The following AFAP1L2 variants were observed in gnomAD, a reference collection of about 807,000 sequenced individuals.
The protein encoded by AFAP1L2 is actin filament associated protein 1 like 2, also known as actin filament-associated protein 1-like 2.
In AFAP1L2, 46 loss-of-function variants were observed where a neutral mutation model predicts 99.3. The observed-to-expected ratio is 0.46, with a 90% CI of 0.37 to 0.59. The LOEUF (loss-of-function observed/expected upper bound fraction) is 0.59. AFAP1L2 is among the 20% of genes least tolerant of loss of function. The pLI is 0.00. For synonymous variants in AFAP1L2, 397 were observed against 419.1 expected (o/e 0.95, Z 0.64); for missense variants, 959 against 1,034.9 (o/e 0.93, Z 1.01).
chr10:114,289,714 T>TC, the AFAP1L2 span: 1 of 581,778 alleles, frequency 1.7e-6, no homozygotes, highest in Non-Finnish European at 3.1e-6. Flanking sequence ...CATAGATAAC[T>TC]CCCCCCAAAC....
intron 1 of AFAP1L2, among the ~76,000 whole-genome samples, chr10:114,370,572 G>A (rs895085129): frequency 1.3e-5 from 2 of 152,220 alleles, no homozygotes; most frequent in South Asian, 2.1e-4. Flanking sequence ...ATCCTGCCCC[G>A]TGTATTTTCT....
At position 114,333,253 on chromosome 10, in the gene AFAP1L2, T is replaced by C. The variant is rs905838108; in HGVS notation, c.188A>G (p.Asn63Ser). The C allele has an allele frequency of 7.4e-6, 12 of 1,613,864 alleles. No individual in the cohort carries two copies. The South Asian group carries it at 7.7e-5, about 10-fold the overall frequency. Residue 63 changes from asparagine to serine, a missense_variant, in exon 3 of 19, where the codon AAC (asparagine) becomes AGC (serine). Asn to Ser is a conservative substitution (Grantham distance 46). Around this residue, in one of 2 missense-constraint regions of AFAP1L2, gnomAD observed 383 missense variants for 472.8 expected, o/e 0.81. Transcript: ENST00000304129. ...TTGAGACTCTGCATTCTGTTGCTTG[T>C]TGATGGTCACTTTGTTCATATAAAT... ...EYIYMNKVTI[N>S]KQQNAESQGK...
chr10:114,364,689 G>C (rs758124295), intron 1 of AFAP1L2, among the ~76,000 whole-genome samples: 3 of 152,062 alleles, frequency 2.0e-5, no homozygotes, highest in Non-Finnish European at 4.4e-5. Context: ...TGTCTTTGAG[G>C]GGAATACAGT....
rs117147548 is a variant in AFAP1L2 at position 114,329,464 on chromosome 10, C to A, written c.315+2339G>T. 5.8e-3 allele frequency among the ~76,000 whole-genome samples: 877 copies of A among 152,322 alleles called. 3 individuals carry two copies. The highest frequency in any genetic ancestry group is 8.8e-3 in the Non-Finnish European group (599 of 68,024). On this transcript the variant is annotated intron_variant, in intron 4 of 18. Coordinates refer to ENST00000304129, the MANE Select transcript of AFAP1L2 (RefSeq NM_001001936.3). The stretch of plus-strand genomic sequence containing the variant: ...CCCTACCCACCAGGTGGGGACCCAC[C>A]AGCAGCTGCCCCTGGTGGGGCAGAA...
chr10:114,326,300 G>A (rs1318363789), intron 4 of AFAP1L2, among the ~76,000 whole-genome samples: 1 of 152,168 alleles, frequency 6.6e-6, no homozygotes, highest in African/African-American at 2.4e-5. Flanking sequence ...CATTCCTGGG[G>A]GCAACTGTTT....
intron 18 of AFAP1L2, 79 bp from the exon 19 acceptor site, chr10:114,296,147 C>G (rs570615195): frequency 6.3e-7 from 1 of 1,586,572 alleles, no homozygotes; most frequent in South Asian, 1.1e-5. Context: ...CCTTGATATA[C>G]ATAGAAAAAA....
At chr10:114,306,146 CGGGGCTGCAGGACGGGAT>C (rs2042332542) in intron 10 of AFAP1L2, among the ~76,000 whole-genome samples, 2 of 44,192 alleles carry the variant, frequency 4.5e-5, no homozygotes, top group Non-Finnish European at 8.5e-5. Flanking sequence ...CAGGAGGGGA[CGGGGCTGCAGGACGGGAT>C]GGGGCTGCAG....
At chr10:114,392,295 C>CT (rs1207741664) in intron 1 of AFAP1L2, among the ~76,000 whole-genome samples, 4 of 152,138 alleles carry the variant, frequency 2.6e-5, no homozygotes, top group Non-Finnish European at 5.9e-5. Context: ...GAGACTGAGT[C>CT]AGAGGATGGC....
At chr10:114,349,842 C>T (rs948167326) in intron 1 of AFAP1L2, among the ~76,000 whole-genome samples, 1 of 152,134 alleles carries the variant, frequency 6.6e-6, no homozygotes. Flanking sequence ...CTTGCTAGCA[C>T]TGTGAATGCT....
intron 6 of AFAP1L2, 23 bp downstream of exon 6, chr10:114,315,537 A>T: frequency 6.2e-7 from 1 of 1,612,124 alleles, no homozygotes; most frequent in Non-Finnish European, 8.5e-7. Flanking sequence ...GTCGGGGGAC[A>T]AGACGACGTA....
At chr10:114,321,615 A>G (rs994436972) in intron 5 of AFAP1L2, among the ~76,000 whole-genome samples, 2 of 152,096 alleles carry the variant, frequency 1.3e-5, no homozygotes, top group African/African-American at 4.8e-5. Flanking sequence ...CTAGCCTTTT[A>G]TATCTGCTGA....
At chr10:114,301,230 T>C in intron 13 of AFAP1L2, 124 bp downstream of exon 13, 1 of 736,700 alleles carries the variant, frequency 1.4e-6, no homozygotes, top group African/African-American at 1.7e-5. Context: ...ACTGGCCTGG[T>C]AGGTGACTCA....
intron 1 of AFAP1L2, among the ~76,000 whole-genome samples, chr10:114,342,432 C>T (rs2048951751): frequency 6.6e-6 from 1 of 152,216 alleles, no homozygotes; most frequent in Non-Finnish European, 1.5e-5. Context: ...TATTGGGCCC[C>T]TAATGATATC....
At chr10:114,388,844 C>T (rs931113633) in intron 1 of AFAP1L2, among the ~76,000 whole-genome samples, 1 of 152,038 alleles carries the variant, frequency 6.6e-6, no homozygotes, top group African/African-American at 2.4e-5. Flanking sequence ...TATCAATATC[C>T]CAAGGGACCC....
chr10:114,391,981 C>T (rs1259879117), intron 1 of AFAP1L2, among the ~76,000 whole-genome samples: 1 of 152,150 alleles, frequency 6.6e-6, no homozygotes, highest in Non-Finnish European at 1.5e-5. Context: ...GGTGAGCTGC[C>T]CTAGATGCCG....
intron 1 of AFAP1L2, among the ~76,000 whole-genome samples, chr10:114,400,295 G>A (rs1255291845): frequency 1.3e-5 from 2 of 152,178 alleles, no homozygotes; most frequent in East Asian, 1.9e-4. Flanking sequence ...CTTCAGAAGA[G>A]AGGAAGGGCC....
chr10:114,299,445 A>C, intron 15 of AFAP1L2, 30 bp from the exon 16 acceptor site: 1 of 1,612,804 alleles, frequency 6.2e-7, no homozygotes, highest in Non-Finnish European at 8.5e-7. Flanking sequence ...AGCCCCAGGT[A>C]AGCAGAGCTG....
At chr10:114,303,310 G>GT (rs934452307) in intron 11 of AFAP1L2, among the ~76,000 whole-genome samples, 134 of 151,702 alleles carry the variant, frequency 8.8e-4, no homozygotes, top group African/African-American at 2.3e-3. Context: ...CCTTTTCCCA[G>GT]TTTTTTTTTA....
rs555332039 is a variant in AFAP1L2 at position 114,302,451 on chromosome 10, C to T, written c.1318G>A (p.Gly440Ser). ...KSSEEMGHWLGLLLSESGSKT... is the reference protein window; with the variant it reads ...KSSEEMGHWLSLLLSESGSKT... Reference sequence around the variant, plus strand: ...GAGCCTGACTCAGAGAGCAGGAGACCCAGCCAGTGGCCCATTTCCTCGGAA... The same window carrying T: ...GAGCCTGACTCAGAGAGCAGGAGACTCAGCCAGTGGCCCATTTCCTCGGAA... The change falls in exon 12 of 19, where the codon GGT becomes AGT. Residue 440 changes from glycine (G) to serine (S), a missense_variant. Gly to Ser is a moderately conservative substitution (Grantham distance 56, BLOSUM62 0). Transcript: ENST00000304129. 1.4e-5 allele frequency: 23 copies of T among 1,614,096 alleles called. No individual in the cohort carries two copies. The South Asian group carries it at 2.4e-4, about 17-fold the overall frequency.
Sources: gnomAD v4.1 joint callset for allele counts (sites outside exome capture counted in the v4.1 genomes callset) on GRCh38, gnomAD v4.1.1 for gene constraint, gnomAD v4.1.1 regional missense constraint, MANE v1.5 for transcripts, NCBI Gene and HGNC (gene_info 2026-07-23, HGNC 2026-07-21) for gene names.